The following ODF2L variants were observed in gnomAD, a reference collection of about 807,000 sequenced individuals.
ODF2L encodes the protein protein BCAP.
A neutral mutation model predicts 86.3 loss-of-function variants in ODF2L; 76 were observed. The observed-to-expected ratio is 0.88, with a 90% CI of 0.73 to 1.07. The LOEUF (loss-of-function observed/expected upper bound fraction) is 1.07, where lower values mean the gene tolerates loss of function less well. Among genes scored for constraint, ODF2L ranks in the 50% least tolerant of loss-of-function variants. The pLI, the probability that ODF2L is intolerant of heterozygous loss-of-function variation, is 0.00. For missense variants in ODF2L, 748 were observed against 717.4 expected (o/e 1.04, Z -0.49); for synonymous variants, 241 against 231.3 (o/e 1.04, Z -0.38).
chr1:86,352,031 G>A, exon 18 of ODF2L: 3 of 1,309,712 alleles, frequency 2.3e-6, no homozygotes, highest in Non-Finnish European at 2.9e-6. Context: ...TAAATGGAAG[G>A]CCTGTGCTAA....
intron 8 of ODF2L, among the ~76,000 whole-genome samples, chr1:86,374,615 C>T (rs934534189): frequency 6.6e-6 from 1 of 152,204 alleles, no homozygotes; most frequent in Non-Finnish European, 1.5e-5. Flanking sequence ...GTCTCTCGTA[C>T]TTTCCAAATC....
chr1:86,359,454 C>T (rs929183338), intron 12 of ODF2L, among the ~76,000 whole-genome samples: 6 of 151,694 alleles, frequency 4.0e-5, no homozygotes, highest in African/African-American at 9.7e-5. Context: ...TCTAATCCAT[C>T]GAGATGCAGC....
intron 1 of ODF2L, among the ~76,000 whole-genome samples, chr1:86,389,963 G>T (rs1661203865): frequency 6.6e-6 from 1 of 152,132 alleles, no homozygotes; most frequent in African/African-American, 2.4e-5. Flanking sequence ...GACATTCAAA[G>T]AACAATTGGT....
rs1558054318 is a variant in ODF2L, at chr1:86,383,207, A to C, written c.373-11T>G. 6.7e-7 allele frequency: 1 copy of C among 1,486,224 alleles called. No individual in the cohort carries two copies. The highest frequency in any genetic ancestry group is 1.4e-5 in the African/African-American group (1 of 70,900). The allele number at this position is 1,486,224 out of a possible 1,614,324, so 92.1% of individuals were successfully genotyped here. On this transcript the variant is annotated splice_polypyrimidine_tract_variant and intron_variant, in intron 4 of 17. Coordinates refer to ENST00000317336, the Ensembl canonical transcript of ODF2L. The stretch of plus-strand genomic sequence containing the variant: ...TAAATTGTCTCCTGTCTGAGAAAAG[A>C]ATGTTATAAATCAGTGATCGCAAAT...
At chr1:86,372,067 T>C (rs1228112853) in intron 9 of ODF2L, among the ~76,000 whole-genome samples, 1 of 151,718 alleles carries the variant, frequency 6.6e-6, no homozygotes, top group Non-Finnish European at 1.5e-5. Context: ...TGCATGCCTG[T>C]AGTCCCAGCT....
In ODF2L at chr1:86,389,598, A is replaced by G. The variant is rs1029367494; in HGVS notation, c.-59-2512T>C. 9.9e-5 allele frequency among the ~76,000 whole-genome samples: 15 copies of G among 151,532 alleles called. No individual in the cohort carries two copies. The East Asian group carries it at 1.7e-3, about 18-fold the overall frequency. On this transcript the variant is annotated intron_variant, in intron 1 of 17. Transcript: ENST00000317336. ...AAAAAATACAAAAGATAAATGAAAC[A>G]AAAAGCTGGTCCTTTGAAAAGATAA... is the stretch of plus-strand genomic sequence containing the variant.
At chr1:86,380,970 C>T (rs79789154) in intron 7 of ODF2L, among the ~76,000 whole-genome samples, 1 of 150,230 alleles carries the variant, frequency 6.7e-6, no homozygotes, top group Admixed American at 6.6e-5. Context: ...AAAAACAACA[C>T]AAAAACGAAA....
At chr1:86,371,180 T>C in intron 9 of ODF2L, 27 bp from the exon 10 acceptor site, 1 of 1,249,812 alleles carries the variant, frequency 8.0e-7, no homozygotes, top group Non-Finnish European at 1.1e-6. Flanking sequence ...ACACATTTTA[T>C]AAAAGTCATA....
intron 6 of ODF2L, among the ~76,000 whole-genome samples, chr1:86,382,595 C>T (rs1192270405): frequency 6.6e-6 from 1 of 151,956 alleles, no homozygotes; most frequent in African/African-American, 2.4e-5. Flanking sequence ...TCCCATCTAT[C>T]TTTCTAAATA....
rs142723643 is a variant in ODF2L, at chr1:86,391,904, A to C, written c.-60+4129T>G. Reference sequence around the variant, plus strand: ...TGGCAAAAGGAATAGTCAGCAGACTAAACAGACAACCCACAGAGTGGGAGA... The same window carrying C: ...TGGCAAAAGGAATAGTCAGCAGACTCAACAGACAACCCACAGAGTGGGAGA... On this transcript the variant is annotated intron_variant, in intron 1 of 17. Coordinates refer to ENST00000317336, the Ensembl canonical transcript of ODF2L. 8.3e-3 allele frequency among the ~76,000 whole-genome samples: 1,262 copies of C among 152,330 alleles called. 13 individuals carry two copies. Among genetic ancestry groups the C allele is most frequent in the Middle Eastern group, 0.034 (10 of 294 alleles).
intron 1 of ODF2L, among the ~76,000 whole-genome samples, chr1:86,391,041 G>A (rs993107951): frequency 7.2e-5 from 11 of 152,100 alleles, no homozygotes; most frequent in African/African-American, 1.4e-4. Flanking sequence ...CAGTGACCAC[G>A]CTGATAATCA....
chr1:86,382,165 G>C (rs1199908062), intron 7 of ODF2L, 77 bp downstream of exon 7: 1 of 1,439,940 alleles, frequency 6.9e-7, no homozygotes, highest in African/African-American at 1.5e-5. Flanking sequence ...CCAAATTCTA[G>C]AACTAAGGAA....
chr1:86,384,781 A>C (rs1406048620), exon 4 of ODF2L: 1 of 1,522,452 alleles, frequency 6.6e-7, no homozygotes, highest in Admixed American at 2.3e-5. Context: ...AAATCTTCAA[A>C]TTCAATGCAG....
At chr1:86,356,731 C>G (rs1050656167) in intron 13 of ODF2L, 129 bp from the exon 13 acceptor site, 1 of 647,784 alleles carries the variant, frequency 1.5e-6, no homozygotes, top group Non-Finnish European at 2.3e-6. Context: ...AAGAACACAA[C>G]TGAATAAATA....
chr1:86,367,834 C>T (rs750677370), intron 11 of ODF2L, among the ~76,000 whole-genome samples: 3 of 152,028 alleles, frequency 2.0e-5, no homozygotes, highest in Non-Finnish European at 4.4e-5. Flanking sequence ...AGACAAAGAA[C>T]AGAAAATATC....
intron 8 of ODF2L, among the ~76,000 whole-genome samples, 175 bp downstream of exon 8, chr1:86,376,058 T>C (rs979347290): frequency 1.3e-5 from 2 of 152,192 alleles, no homozygotes; most frequent in African/African-American, 2.4e-5. Flanking sequence ...ATATGAAAAT[T>C]TGACATTTTA....
intron 2 of ODF2L, 199 bp downstream of exon 2, chr1:86,386,716 A>G (rs572656259): frequency 5.0e-5 from 21 of 417,056 alleles, no homozygotes; most frequent in African/African-American, 4.1e-4. Flanking sequence ...GCTTTCATTA[A>G]GATTCAAAAA....
chr1:86,379,088 G>A (rs1458993351), intron 7 of ODF2L, among the ~76,000 whole-genome samples: 1 of 152,086 alleles, frequency 6.6e-6, no homozygotes, highest in African/African-American at 2.4e-5. Context: ...CACCATGTGA[G>A]ATGCCTCACT....
At chr1:86,359,519 C>CTTTTTTTTTTTTTTTTTTTTT (rs5775904) in intron 12 of ODF2L, among the ~76,000 whole-genome samples, 2 of 95,120 alleles carry the variant, frequency 2.1e-5, no homozygotes, top group Non-Finnish European at 4.2e-5. Flanking sequence ...TTAGTTCATT[C>CTTTTTTTTTTTTTTTTTTTTT]TTTTTTTTTT....
Sources: allele counts gnomAD v4.1 joint callset (sites outside exome capture counted in the v4.1 genomes callset), GRCh38; gene constraint gnomAD v4.1.1; transcripts MANE v1.5; gene names NCBI Gene and HGNC (gene_info 2026-07-23, HGNC 2026-07-21).